The following CERCAM variants were observed in gnomAD, a reference collection of about 807,000 sequenced individuals.
CERCAM encodes the protein cerebral endothelial cell adhesion molecule, also known as inactive glycosyltransferase 25 family member 3.
CERCAM carries 59 observed loss-of-function variants against 66.0 expected under a neutral mutation model. The observed-to-expected ratio is 0.89, with a 90% confidence interval of 0.73 to 1.11. The LOEUF (loss-of-function observed/expected upper bound fraction) is 1.11, where lower values mean the gene tolerates loss of function less well. CERCAM is among the 50% of genes most tolerant of loss of function. The pLI is 0.00. For synonymous variants in CERCAM, 318 were observed against 343.6 expected (o/e 0.93, Z 0.83); for missense variants, 840 against 828.3 (o/e 1.01, Z -0.17).
At chr9:128,426,405 A>G (rs1288685060) in intron 5 of CERCAM, among the ~76,000 whole-genome samples, 1 of 152,078 alleles carries the variant, frequency 6.6e-6, no homozygotes, top group African/African-American at 2.4e-5. Flanking sequence ...CAGGTGGATC[A>G]CGAGGTCAAG....
At chr9:128,427,350 T>C in intron 5 of CERCAM, among the ~76,000 whole-genome samples, 1 of 151,788 alleles carries the variant, frequency 6.6e-6, no homozygotes, top group Non-Finnish European at 1.5e-5. Context: ...TGACCTCAAA[T>C]GATCTGCCTG....
intron 5 of CERCAM, among the ~76,000 whole-genome samples, chr9:128,425,607 G>A (rs1833826814): frequency 1.3e-5 from 2 of 151,588 alleles, no homozygotes; most frequent in African/African-American, 2.4e-5. Context: ...TGCCTTCCGG[G>A]TTCAAGCAGT....
At position 128,434,289 on chromosome 9, in the gene CERCAM, T is replaced by C. The variant is rs1172997653; in HGVS notation, c.1331+60T>C. On this transcript the variant is annotated intron_variant, in intron 10 of 12. Coordinates refer to ENST00000372838, the MANE Select transcript of CERCAM (RefSeq NM_016174.5). The surrounding 1 kb of genome is among the most constrained non-coding windows in gnomAD (Gnocchi z 4.5). Reference sequence around the variant, plus strand: ...GGGTGGGCCTCCGGAGTCTGCCTTTTCCTGCTTGGGACCCTGGCCGGCCCA... The same window carrying C: ...GGGTGGGCCTCCGGAGTCTGCCTTTCCCTGCTTGGGACCCTGGCCGGCCCA... 15 of 1,608,238 alleles carry C rather than the reference T, an allele frequency of 9.3e-6. No individual in the cohort carries two copies. In the East Asian group the frequency reaches 2.9e-4, roughly 31 times the overall value.
At position 128,434,452 on chromosome 9, in the gene CERCAM, C is replaced by T. The variant is rs144344654; in HGVS notation, c.1374C>T (p.Ala458=). The T allele has an allele frequency of 1.4e-4, 221 of 1,613,996 alleles. 3 individuals carry two copies. The African/African-American group carries it at 2.3e-3, about 17-fold the overall frequency. Reference sequence around the variant, plus strand: ...AGGTGAACCCTGAGAAGGAGACGGCCGTGGAGGGGCTGCCGGGCCTGGTGG... The same window carrying T: ...AGGTGAACCCTGAGAAGGAGACGGCTGTGGAGGGGCTGCCGGGCCTGGTGG... ...RKQVNPEKET[A]VEGLPGLVVA... is the part of the protein sequence containing the mutation. Residue 458 remains alanine, a synonymous_variant, in exon 11 of 13, where the codon GCC becomes GCT. Transcript: ENST00000372838. The surrounding 1 kb of genome is among the most constrained non-coding windows in gnomAD (Gnocchi z 4.5).
intron 6 of CERCAM, 76 bp from the exon 7 acceptor site, chr9:128,428,681 T>G: frequency 6.6e-7 from 1 of 1,512,694 alleles, no homozygotes; most frequent in Non-Finnish European, 9.2e-7. Flanking sequence ...GGAATGAGGC[T>G]GGGGGCTAGG....
intron 12 of CERCAM, among the ~76,000 whole-genome samples, chr9:128,436,546 C>A (rs1834119002): frequency 6.6e-6 from 1 of 151,922 alleles, no homozygotes; most frequent in Non-Finnish European, 1.5e-5. Context: ...CCGCGCCTGG[C>A]CTTTTGTATT....
Position 128,424,428 on chromosome 9 carries a change from G to A in CERCAM, c.580G>A (p.Ala194Thr). ...ITPQGYYRRTAEYFPTKNRQR... is the reference protein window; with the variant it reads ...ITPQGYYRRTTEYFPTKNRQR... Reference sequence around the variant, plus strand: ...TCCCCAGGGCTACTACCGCCGCACAGCCGAGTACTTCCCCACCAAGAACCG... The same window carrying A: ...TCCCCAGGGCTACTACCGCCGCACAACCGAGTACTTCCCCACCAAGAACCG... Residue 194 changes from alanine to threonine, a missense_variant, in exon 5 of 13, where the codon GCC (alanine) becomes ACC (threonine). Coordinates refer to ENST00000372838, the MANE Select transcript of CERCAM (RefSeq NM_016174.5). The A allele has an allele frequency of 6.2e-7, 1 of 1,614,044 alleles. No individual in the cohort carries two copies. Among genetic ancestry groups the A allele is most frequent in the Non-Finnish European group, 8.5e-7 (1 of 1,180,028 alleles).
intron 5 of CERCAM, among the ~76,000 whole-genome samples, chr9:128,426,363 G>T (rs958134539): frequency 9.9e-5 from 15 of 152,070 alleles, no homozygotes; most frequent in African/African-American, 3.6e-4. Flanking sequence ...GGTGGCTCAC[G>T]CCTGTAATCT....
At chr9:128,421,603 T>C in intron 1 of CERCAM, 1 of 859,322 alleles carries the variant, frequency 1.2e-6, no homozygotes, top group East Asian at 1.2e-4. Context: ...GCTCTCTTGG[T>C]AGATCTTGGT....
At chr9:128,428,150 GC>G in intron 5 of CERCAM, 151 bp from the exon 6 acceptor site, 4 of 853,266 alleles carry the variant, frequency 4.7e-6, no homozygotes, top group Non-Finnish European at 7.1e-6. Context: ...TGTGAGCCAA[GC>G]CCTTTCTCCC....
chr9:128,421,491 G>T (rs1283596355), intron 1 of CERCAM: 7 of 992,336 alleles, frequency 7.1e-6, no homozygotes, highest in Non-Finnish European at 8.4e-6. Flanking sequence ...GATCGACCAC[G>T]CTGGAGGCTT....
At position 128,434,150 on chromosome 9, in the gene CERCAM, C is replaced by A. The variant is rs148628855; in HGVS notation, c.1252C>A (p.Arg418Ser). ...GGTCCTGGTGTTTGAGGATGACGTG[C>A]GCTTTGAGAGCAACTTCAGGGGGCG... is the stretch of plus-strand genomic sequence containing the variant. ...ARVLVFEDDVRFESNFRGRLE... is the reference protein window; with the variant it reads ...ARVLVFEDDVSFESNFRGRLE... Residue 418 changes from arginine (R) to serine (S), a missense_variant, in exon 10 of 13, where the codon CGC becomes AGC. Transcript: ENST00000372838. The surrounding 1 kb of genome is among the most constrained non-coding windows in gnomAD (Gnocchi z 4.5). 1.2e-6 allele frequency: 2 copies of A among 1,613,992 alleles called. No homozygotes were observed. The highest frequency in any genetic ancestry group is 1.3e-5 in the African/African-American group (1 of 74,906).
chr9:128,424,090 G>A (rs776051930), intron 3 of CERCAM, 48 bp from the exon 4 acceptor site: 4 of 1,594,270 alleles, frequency 2.5e-6, no homozygotes, highest in Non-Finnish European at 2.6e-6. Context: ...CTCCTTGGGG[G>A]GCTGCAGCCC....
At chr9:128,431,083 T>G in intron 8 of CERCAM, 88 bp from the exon 9 acceptor site, 1 of 1,485,290 alleles carries the variant, frequency 6.7e-7, no homozygotes, top group Non-Finnish European at 9.1e-7. Flanking sequence ...CCGACTCCAG[T>G]GTGACTGTCC....
intron 9 of CERCAM, 134 bp from the exon 10 acceptor site, chr9:128,433,968 C>G (rs1478850881): frequency 8.1e-7 from 1 of 1,232,734 alleles, no homozygotes; most frequent in South Asian, 1.5e-5. Context: ...CAGTGGGGCC[C>G]CCAGCAGGCT....
intron 11 of CERCAM, among the ~76,000 whole-genome samples, chr9:128,435,425 C>T (rs867055238): frequency 2.3e-4 from 35 of 152,254 alleles, no homozygotes; most frequent in African/African-American, 8.2e-4. Flanking sequence ...TGAGCCACTG[C>T]GCTCGGCTGC....
chr9:128,428,213 G>T, intron 5 of CERCAM, 89 bp from the exon 6 acceptor site: 3 of 1,462,446 alleles, frequency 2.1e-6, no homozygotes, highest in Non-Finnish European at 1.8e-6. Flanking sequence ...GACATGTTGG[G>T]TCACTGGCAG....
At chr9:128,429,147 A>G in intron 8 of CERCAM, 111 bp downstream of exon 8, 1 of 745,176 alleles carries the variant, frequency 1.3e-6, no homozygotes, top group Non-Finnish European at 2.1e-6. Context: ...TTCCTGTCCC[A>G]TGTAGTATCC....
At chr9:128,421,540 G>A (rs533308001) in intron 1 of CERCAM, 3 of 986,558 alleles carry the variant, frequency 3.0e-6, no homozygotes, top group Admixed American at 6.1e-5. Flanking sequence ...ACTGGGCTCC[G>A]GGCTGTGCAG....
Sources: allele counts gnomAD v4.1 joint callset (sites outside exome capture counted in the v4.1 genomes callset), GRCh38; gene constraint gnomAD v4.1.1; non-coding constraint Gnocchi (gnomAD v3.1); transcripts MANE v1.5; gene names NCBI Gene and HGNC (gene_info 2026-07-23, HGNC 2026-07-21).